Variants in RBKS observed in about 807,000 individuals in gnomAD.
RBKS encodes ribokinase.
In RBKS, 33 loss-of-function variants were observed where a neutral mutation model predicts 33.9. The observed-to-expected ratio is 0.97, with a 90% CI of 0.74 to 1.30. The LOEUF is 1.30. RBKS is among the 50% of genes most tolerant of loss of function. The pLI, the probability that RBKS is intolerant of heterozygous loss-of-function variation, is 0.00. For missense variants in RBKS, 361 were observed against 392.6 expected, an observed-to-expected ratio of 0.92 and a Z score of 0.68; for synonymous variants, 125 against 143.0, an observed-to-expected ratio of 0.87 and a Z score of 0.90.
intron 1 of RBKS, among the ~76,000 whole-genome samples, chr2:27,866,188 T>C (rs565863720): frequency 2.6e-5 from 4 of 152,306 alleles, no homozygotes; most frequent in South Asian, 2.1e-4. Flanking sequence ...TGGAAAGATA[T>C]AGAATTCCAT....
At chr2:27,844,285 T>C (rs920524732) in intron 4 of RBKS, among the ~76,000 whole-genome samples, 2 of 134,020 alleles carry the variant, frequency 1.5e-5, no homozygotes, top group African/African-American at 5.6e-5. Flanking sequence ...AAAAAAGAAA[T>C]GTGGCTAGTC....
intron 7 of RBKS, among the ~76,000 whole-genome samples, chr2:27,816,472 G>C (rs1678094995): frequency 6.6e-6 from 1 of 152,140 alleles, no homozygotes; most frequent in African/African-American, 2.4e-5. Flanking sequence ...GGTTAAGAGG[G>C]CTGTTTCGGA....
Position 27,785,376 on chromosome 2 carries a change from G to A in RBKS, c.796-3588C>T, listed in dbSNP as rs560077083. The stretch of plus-strand genomic sequence containing the variant: ...ACTGCTAGGAAAAAGACAAATGTAG[G>A]ATAAAAATGAATAAAGATATAGGCC... On this transcript the variant is annotated intron_variant, in intron 7 of 7. Coordinates refer to ENST00000302188, the MANE Select transcript of RBKS (RefSeq NM_022128.3). Among the ~76,000 whole-genome samples the A allele has an allele frequency of 2.6e-5, 4 of 152,258 alleles. No homozygotes were observed. In the South Asian group the frequency reaches 6.2e-4, roughly 24 times the overall value.
Position 27,851,595 on chromosome 2 carries a change from A to G in RBKS, c.223-3498T>C, listed in dbSNP as rs192738045. Among the ~76,000 whole-genome samples the G allele has an allele frequency of 1.7e-3, 263 of 151,654 alleles. 1 individual carries two copies. The highest frequency in any genetic ancestry group is 6.8e-3 in the Middle Eastern group (2 of 294). ...CTCTTGTTGCCCAAGCTGGAGTGCA[A>G]TGGTGCGATCTCCGCTCACTGCAAC... On this transcript the variant is annotated intron_variant, in intron 2 of 7. Transcript: ENST00000302188.
chr2:27,800,935 A>G (rs1224596450), intron 7 of RBKS, among the ~76,000 whole-genome samples: 2 of 152,056 alleles, frequency 1.3e-5, no homozygotes, highest in South Asian at 2.1e-4. Flanking sequence ...GCAGAGGGAG[A>G]ACACTGAGAG....
chr2:27,877,268 T>TAACC (rs1221299695), intron 1 of RBKS, among the ~76,000 whole-genome samples: 1 of 151,958 alleles, frequency 6.6e-6, no homozygotes, highest in Non-Finnish European at 1.5e-5. Context: ...GTTACATGGG[T>TAACC]GGTTGAGCTT....
chr2:27,791,643 C>CATA (rs1553374280), intron 7 of RBKS, among the ~76,000 whole-genome samples: 9 of 123,090 alleles, frequency 7.3e-5, no homozygotes, highest in Non-Finnish European at 1.0e-4. Context: ...CACACACACA[C>CATA]TAAATATACA....
At chr2:27,866,824 C>T (rs2148224037) in intron 1 of RBKS, among the ~76,000 whole-genome samples, 1 of 152,234 alleles carries the variant, frequency 6.6e-6, no homozygotes, top group Admixed American at 6.5e-5. Flanking sequence ...CCCTTTCTGG[C>T]TGGGCATGGT....
At chr2:27,847,304 T>C (rs1663640354) in intron 3 of RBKS, among the ~76,000 whole-genome samples, 200 bp from the exon 4 acceptor site, 1 of 152,222 alleles carries the variant, frequency 6.6e-6, no homozygotes, top group South Asian at 2.1e-4. Context: ...TTACATGTAG[T>C]TGCACCTTTT....
At chr2:27,816,570 T>C (rs772601449) in intron 7 of RBKS, among the ~76,000 whole-genome samples, 4 of 152,218 alleles carry the variant, frequency 2.6e-5, no homozygotes, top group Non-Finnish European at 5.9e-5. Flanking sequence ...GCCTGGTCTT[T>C]GTATGACTGT....
chr2:27,862,094 C>T (rs55732827), intron 1 of RBKS, among the ~76,000 whole-genome samples: 1 of 151,538 alleles, frequency 6.6e-6, no homozygotes, highest in East Asian at 1.9e-4. Flanking sequence ...ACCACAGGTG[C>T]ACACCACCAC....
At chr2:27,866,888 G>A (rs112025423) in intron 1 of RBKS, among the ~76,000 whole-genome samples, 272 of 152,206 alleles carry the variant, frequency 1.8e-3, no homozygotes, top group African/African-American at 6.1e-3. Context: ...AGGATTGTTT[G>A]AGCTCAAGAG....
intron 5 of RBKS, among the ~76,000 whole-genome samples, chr2:27,842,201 CAAAT>C (rs898157993): frequency 1.3e-5 from 2 of 152,192 alleles, no homozygotes; most frequent in African/African-American, 4.8e-5. Flanking sequence ...AGGAAGCAAA[CAAAT>C]AAATCATCTG....
chr2:27,801,990 A>T (rs1347397141), intron 7 of RBKS, among the ~76,000 whole-genome samples: 87 of 70,866 alleles, frequency 1.2e-3, no homozygotes, highest in African/African-American at 5.6e-3. Flanking sequence ...ATATATATAT[A>T]TATTTTTTTT....
chr2:27,865,571 CTTTT>C (rs5830052), intron 1 of RBKS, among the ~76,000 whole-genome samples: 1 of 63,940 alleles, frequency 1.6e-5, no homozygotes, highest in Non-Finnish European at 3.3e-5. Flanking sequence ...TCTCCTCCTC[CTTTT>C]TTTTTTTTTT....
At chr2:27,864,028 A>G (rs1000869042) in intron 1 of RBKS, among the ~76,000 whole-genome samples, 2 of 151,952 alleles carry the variant, frequency 1.3e-5, no homozygotes, top group African/African-American at 2.4e-5. Context: ...TTACTAACCC[A>G]TATCTTTTTT....
intron 1 of RBKS, among the ~76,000 whole-genome samples, chr2:27,883,266 C>T (rs1664456614): frequency 6.6e-6 from 1 of 150,496 alleles, no homozygotes; most frequent in Non-Finnish European, 1.5e-5. Flanking sequence ...GTGGCACGAT[C>T]TCAGCTCACT....
In RBKS at chr2:27,881,196, C is replaced by A. The variant is rs535613120; in HGVS notation, c.89+9061G>T. On this transcript the variant is annotated intron_variant, in intron 1 of 7. Transcript: ENST00000302188. The stretch of plus-strand genomic sequence containing the variant: ...CCTGGAAGTTGAGGCTGCAGTAAGC[C>A]ACTTTCACACTGCTGCACTCCAGCC... 2.6e-5 allele frequency among the ~76,000 whole-genome samples: 4 copies of A among 152,054 alleles called. No homozygotes were observed. The East Asian group carries it at 7.8e-4, about 30-fold the overall frequency.
rs1678338374 is a variant in RBKS, at chr2:27,827,628, G to C, written c.734C>G (p.Ser245Ter). Residue 245 changes from serine (S) to a stop codon, truncating the protein, a stop_gained, in exon 7 of 8, where the codon TCA (serine) becomes TGA (stop). Transcript: ENST00000302188. LOFTEE classifies it high-confidence loss of function. Reference protein sequence around the residue: ...TLGAEGCVVLSQTEPEPKHIP... With the variant: ...TLGAEGCVVL The stretch of plus-strand genomic sequence containing the variant: ...GTGCTTTGGCTCAGGTTCTGTCTGT[G>C]ACAGCACCACACATCCTTCAGCCCC... 1.2e-6 allele frequency: 2 copies of C among 1,613,258 alleles called. No homozygotes were observed. Among genetic ancestry groups the C allele is most frequent in the Non-Finnish European group, 1.7e-6 (2 of 1,179,658 alleles).
Sources: gnomAD v4.1 joint callset for allele counts (sites outside exome capture counted in the v4.1 genomes callset) on GRCh38, gnomAD v4.1.1 for gene constraint, MANE v1.5 for transcripts, NCBI Gene and HGNC (gene_info 2026-07-23, HGNC 2026-07-21) for gene names.